Variants in F13A1 observed in about 807,000 individuals in gnomAD.
The protein encoded by F13A1 is FSF, A subunit.
F13A1 carries 47 observed loss-of-function variants against 80.1 expected under a neutral mutation model. The ratio of observed to expected loss-of-function variants is 0.59; its 90% CI spans 0.46 to 0.75. F13A1 has a LOEUF of 0.75. F13A1 is among the 30% of genes least tolerant of loss of function. The pLI, the probability that F13A1 is intolerant of heterozygous loss-of-function variation, is 0.00. For synonymous variants in F13A1, 349 were observed against 344.9 expected (o/e 1.01, Z -0.13); for missense variants, 817 against 930.4 (o/e 0.88, Z 1.59).
At chr6:6,201,441 A>G (rs1312984372) in intron 8 of F13A1, among the ~76,000 whole-genome samples, 1 of 152,122 alleles carries the variant, frequency 6.6e-6, no homozygotes, top group African/African-American at 2.4e-5. Flanking sequence ...GCCTCCATCA[A>G]TGGGTGGAAA....
At chr6:6,235,493 C>T (rs1021916980) in intron 6 of F13A1, among the ~76,000 whole-genome samples, 5 of 152,072 alleles carry the variant, frequency 3.3e-5, no homozygotes, top group South Asian at 2.1e-4. Flanking sequence ...AACAGATATT[C>T]CATCAAAGAA....
chr6:6,172,909 C>G (rs985435195), intron 12 of F13A1, among the ~76,000 whole-genome samples: 5 of 152,212 alleles, frequency 3.3e-5, no homozygotes, highest in African/African-American at 1.2e-4. Flanking sequence ...TGATCTGTGA[C>G]AGCCACAAAA....
At chr6:6,195,312 C>G (rs549903629) in intron 10 of F13A1, among the ~76,000 whole-genome samples, 96 of 152,344 alleles carry the variant, frequency 6.3e-4, no homozygotes, top group Non-Finnish European at 1.1e-3. Flanking sequence ...CCCTCCCTGG[C>G]CACAGGTGAT....
At chr6:6,262,342 G>T (rs535360628) in intron 4 of F13A1, among the ~76,000 whole-genome samples, 9 of 152,380 alleles carry the variant, frequency 5.9e-5, no homozygotes, top group East Asian at 3.9e-4. Flanking sequence ...TAAGGTCTGG[G>T]CATTCACAGA....
At chr6:6,155,895 T>G (rs1760466751) in intron 13 of F13A1, among the ~76,000 whole-genome samples, 2 of 152,242 alleles carry the variant, frequency 1.3e-5, no homozygotes, top group South Asian at 4.1e-4. Context: ...ATTCCATATC[T>G]GCATAGTCAT....
At chr6:6,165,601 T>C (rs922866) in intron 13 of F13A1, among the ~76,000 whole-genome samples, 32,367 of 152,014 alleles carry the variant, frequency 0.21, 4,300 homozygotes, top group African/African-American at 0.37. Context: ...ACCTGCGCAA[T>C]AGCCCAGAAG....
chr6:6,170,922 C>T (rs1343573940), intron 12 of F13A1, among the ~76,000 whole-genome samples: 1 of 152,186 alleles, frequency 6.6e-6, no homozygotes, highest in African/African-American at 2.4e-5. Context: ...CAAAGAGTCT[C>T]CAGTTCCCTT....
Position 6,224,683 on chromosome 6 carries a change from T to C in F13A1, c.973+3A>G, listed in dbSNP as rs760349044. The C allele has an allele frequency of 6.2e-7, 1 of 1,613,602 alleles. No individual in the cohort carries two copies. Among genetic ancestry groups the C allele is most frequent in the South Asian group, 1.1e-5 (1 of 91,076 alleles). ...AAAAGAAATTACTCAGTTGGATACTTACATGTGTTAAAGACACCAGCAAAA... is the reference window on the plus strand; with the variant it reads ...AAAAGAAATTACTCAGTTGGATACTCACATGTGTTAAAGACACCAGCAAAA... On this transcript the variant is annotated splice_donor_region_variant and intron_variant, in intron 7 of 14. Transcript: ENST00000264870.
chr6:6,258,807 A>G (rs1301500775), intron 4 of F13A1, among the ~76,000 whole-genome samples: 1 of 152,226 alleles, frequency 6.6e-6, no homozygotes, highest in East Asian at 1.9e-4. Flanking sequence ...TAAAAATTCA[A>G]TTAACCAACT....
intron 13 of F13A1, among the ~76,000 whole-genome samples, chr6:6,155,139 A>G (rs1760450676): frequency 1.3e-5 from 2 of 152,172 alleles, no homozygotes; most frequent in South Asian, 4.1e-4. Flanking sequence ...TGAACCCTAG[A>G]TTAAGAACCC....
chr6:6,217,872 G>T (rs1325692), intron 8 of F13A1, among the ~76,000 whole-genome samples: 2 of 151,952 alleles, frequency 1.3e-5, no homozygotes, highest in Admixed American at 1.3e-4. Flanking sequence ...TTTGAAAAAG[G>T]TTTGTTTATA....
At chr6:6,174,140 A>G (rs1335513340) in intron 12 of F13A1, among the ~76,000 whole-genome samples, 1 of 152,334 alleles carries the variant, frequency 6.6e-6, no homozygotes, top group East Asian at 1.9e-4. Context: ...CTATAATTCC[A>G]GCACTTTGGC....
chr6:6,320,478 G>C (rs764159701), intron 1 of F13A1, 109 bp downstream of exon 1: 1 of 330,042 alleles, frequency 3.0e-6, no homozygotes, highest in Non-Finnish European at 6.3e-6. Flanking sequence ...GCCTGTGACC[G>C]GCGCCACAGG....
At chr6:6,151,253 T>G (rs1027841552) in intron 14 of F13A1, among the ~76,000 whole-genome samples, 1 of 151,028 alleles carries the variant, frequency 6.6e-6, no homozygotes, top group Non-Finnish European at 1.5e-5. Flanking sequence ...TGGGGAACCA[T>G]CTAGAGCTCT....
At position 6,280,631 on chromosome 6, in the gene F13A1, C is replaced by T. The variant is rs537315487; in HGVS notation, c.320-13822G>A. 2.0e-5 allele frequency among the ~76,000 whole-genome samples: 3 copies of T among 152,288 alleles called. No individual in the cohort carries two copies. The South Asian group carries it at 6.2e-4, about 32-fold the overall frequency. On this transcript the variant is annotated intron_variant, in intron 3 of 14. Transcript: ENST00000264870. ...GGAGACCACGGATGTAGCTGAAACA[C>T]AGGGATGTAAAGAAACCGTATTGAG...
At chr6:6,304,620 G>C (rs1017887835) in intron 3 of F13A1, among the ~76,000 whole-genome samples, 1 of 152,076 alleles carries the variant, frequency 6.6e-6, no homozygotes, top group Non-Finnish European at 1.5e-5. Context: ...CCAGCACTTT[G>C]GGAAGCTGAG....
At chr6:6,277,697 C>T (rs530520709) in intron 3 of F13A1, among the ~76,000 whole-genome samples, 4 of 152,282 alleles carry the variant, frequency 2.6e-5, no homozygotes, top group East Asian at 3.9e-4. Flanking sequence ...GACGATTTAC[C>T]GAAGCTGCAC....
intron 3 of F13A1, among the ~76,000 whole-genome samples, chr6:6,283,035 G>C (rs1333467905): frequency 6.6e-6 from 1 of 152,180 alleles, no homozygotes; most frequent in African/African-American, 2.4e-5. Context: ...GAGTGGTTAA[G>C]TTAACATCAT....
At position 6,178,477 on chromosome 6, in the gene F13A1, G is replaced by C. The variant is rs927955641; in HGVS notation, c.1459+3511C>G. On this transcript the variant is annotated intron_variant, in intron 11 of 14. Transcript: ENST00000264870. ...GTGGTTCTCTTCACCAGAGTAGGGGGAGTGGGAGAAACGGACCTGAGGTGA... is the reference window on the plus strand; with the variant it reads ...GTGGTTCTCTTCACCAGAGTAGGGGCAGTGGGAGAAACGGACCTGAGGTGA... Among the ~76,000 whole-genome samples the C allele has an allele frequency of 7.6e-4, 115 of 152,148 alleles. 9 individuals carry two copies.
Sources: gnomAD v4.1 joint callset for allele counts (sites outside exome capture counted in the v4.1 genomes callset) on GRCh38, gnomAD v4.1.1 for gene constraint, MANE v1.5 for transcripts, NCBI Gene and HGNC (gene_info 2026-07-23, HGNC 2026-07-21) for gene names.